SPIDR: variants seen among roughly 807,000 people sequenced by gnomAD.
SPIDR encodes DNA repair-scaffolding protein.
In SPIDR, 93 loss-of-function variants were observed where a neutral mutation model predicts 104.6. The ratio of observed to expected loss-of-function variants is 0.89; its 90% CI spans 0.75 to 1.06. The LOEUF is 1.06. SPIDR is among the 50% of genes least tolerant of loss of function. The pLI, the probability that SPIDR is intolerant of heterozygous loss-of-function variation, is 0.00. For synonymous variants in SPIDR, 431 were observed against 416.9 expected (o/e 1.03, Z -0.41); for missense variants, 1,154 against 1,111.2 (o/e 1.04, Z -0.55).
In SPIDR at chr8:47,509,328, T is replaced by C. The variant is rs776686875; in HGVS notation, c.1097+68786T>C. Among the ~76,000 whole-genome samples the C allele has an allele frequency of 1.5e-4, 23 of 152,186 alleles. 1 individual carries two copies. The highest frequency in any genetic ancestry group is 1.4e-3 in the Admixed American group (22 of 15,286). ...GCCGGAATTCCTGTCTGTAGCCTCT[T>C]GGGAGTGTAGTTACGAGGTGGGTAA... On this transcript the variant is annotated intron_variant, in intron 8 of 19. Coordinates refer to ENST00000297423, the MANE Select transcript of SPIDR (RefSeq NM_001080394.4).
At chr8:47,319,959 G>A (rs977013916) in intron 5 of SPIDR, among the ~76,000 whole-genome samples, 11 of 151,724 alleles carry the variant, frequency 7.3e-5, no homozygotes, top group Non-Finnish European at 7.4e-5. Flanking sequence ...TGTGTAGAGG[G>A]AAATTTATAG....
At chr8:47,647,646 GA>G (rs1563415930) in intron 10 of SPIDR, among the ~76,000 whole-genome samples, 8 of 148,566 alleles carry the variant, frequency 5.4e-5, no homozygotes, top group African/African-American at 1.8e-4. Flanking sequence ...GAGAGAGAGA[GA>G]GAGAGAGGGA....
chr8:47,470,063 A>G (rs2075453631), intron 8 of SPIDR, among the ~76,000 whole-genome samples: 1 of 152,202 alleles, frequency 6.6e-6, no homozygotes, highest in African/African-American at 2.4e-5. Flanking sequence ...TCGAATATTC[A>G]TATGGACTAT....
At position 47,728,136 on chromosome 8, in the gene SPIDR, A is replaced by G. The variant is rs866697679; in HGVS notation, c.2436-797A>G. ...GTCTCAAAAAGAAAAAGAGAAAAAA[A>G]AAAGCAAAGATCGGCCAGGTGCAGT... On this transcript the variant is annotated intron_variant, in intron 17 of 19. Transcript: ENST00000297423. Among the ~76,000 whole-genome samples the G allele has an allele frequency of 6.0e-5, 9 of 150,960 alleles. No homozygotes were observed. In the South Asian group the frequency reaches 1.9e-3, roughly 32 times the overall value.
intron 7 of SPIDR, among the ~76,000 whole-genome samples, chr8:47,421,508 C>G (rs574030623): frequency 1.3e-5 from 2 of 152,106 alleles, no homozygotes; most frequent in African/African-American, 2.4e-5. Context: ...GTTAGCCATT[C>G]GTCTAATCTT....
intron 14 of SPIDR, among the ~76,000 whole-genome samples, chr8:47,712,421 T>C (rs2082011400): frequency 6.6e-6 from 1 of 152,166 alleles, no homozygotes; most frequent in Non-Finnish European, 1.5e-5. Context: ...AGTGGACAAA[T>C]GGAATGCTGC....
intron 11 of SPIDR, among the ~76,000 whole-genome samples, chr8:47,679,271 T>A (rs900580550): frequency 6.6e-6 from 1 of 152,198 alleles, no homozygotes; most frequent in African/African-American, 2.4e-5. Flanking sequence ...ATGAATAATA[T>A]GAGAACATCA....
chr8:47,609,891 G>A (rs2063404430), intron 10 of SPIDR, among the ~76,000 whole-genome samples: 1 of 152,122 alleles, frequency 6.6e-6, no homozygotes, highest in African/African-American at 2.4e-5. Flanking sequence ...ACCAGTGATA[G>A]ACTTAAAGGG....
chr8:47,421,549 GTT>G (rs1554680686), intron 7 of SPIDR, among the ~76,000 whole-genome samples: 2 of 152,120 alleles, frequency 1.3e-5, no homozygotes, highest in African/African-American at 4.8e-5. Flanking sequence ...TTTGCCATGG[GTT>G]TGAACTTCCT....
At chr8:47,600,566 T>C (rs1422894973) in intron 10 of SPIDR, among the ~76,000 whole-genome samples, 4 of 152,246 alleles carry the variant, frequency 2.6e-5, no homozygotes, top group African/African-American at 7.2e-5. Flanking sequence ...TTTTGGAATA[T>C]GTATGTTTGT....
chr8:47,352,074 C>G (rs897386298), intron 5 of SPIDR, among the ~76,000 whole-genome samples: 2 of 151,934 alleles, frequency 1.3e-5, no homozygotes, highest in Non-Finnish European at 1.5e-5. Flanking sequence ...GTCAAGAGAT[C>G]GAGACTATCC....
chr8:47,339,853 G>C (rs2050405493), intron 5 of SPIDR, among the ~76,000 whole-genome samples: 1 of 151,626 alleles, frequency 6.6e-6, no homozygotes, highest in African/African-American at 2.4e-5. Context: ...CTAATTTTTT[G>C]TATTTTTAGT....
chr8:47,554,672 G>A (rs1306993634), intron 8 of SPIDR, among the ~76,000 whole-genome samples: 1 of 152,188 alleles, frequency 6.6e-6, no homozygotes, highest in Non-Finnish European at 1.5e-5. Flanking sequence ...TCCTAGGAAA[G>A]GGAATTCCCC....
intron 5 of SPIDR, among the ~76,000 whole-genome samples, chr8:47,301,041 G>C (rs2041993446): frequency 6.6e-6 from 1 of 152,160 alleles, no homozygotes; most frequent in East Asian, 1.9e-4. Flanking sequence ...AATGTTGATA[G>C]TGGGGTGTTA....
chr8:47,405,043 G>A (rs782509339), intron 6 of SPIDR, among the ~76,000 whole-genome samples: 1 of 152,154 alleles, frequency 6.6e-6, no homozygotes, highest in Non-Finnish European at 1.5e-5. Context: ...ATGAGTTCAT[G>A]TCCTTTGTTA....
chr8:47,718,835 G>A (rs1407110752), intron 16 of SPIDR, among the ~76,000 whole-genome samples: 1 of 152,048 alleles, frequency 6.6e-6, no homozygotes, highest in Non-Finnish European at 1.5e-5. Flanking sequence ...TAAATAGGTA[G>A]ACGTGTGCCA....
intron 7 of SPIDR, chr8:47,419,369 T>G (rs1156649635): frequency 2.0e-5 from 3 of 152,222 alleles, no homozygotes; most frequent in African/African-American, 7.2e-5. Flanking sequence ...GTCCAGGAAT[T>G]TATCCATTTC....
At chr8:47,595,316 A>G (rs2061522192) in intron 8 of SPIDR, among the ~76,000 whole-genome samples, 1 of 152,160 alleles carries the variant, frequency 6.6e-6, no homozygotes, top group African/African-American at 2.4e-5. Context: ...TGTCTGCTCT[A>G]TTTCCTGACT....
chr8:47,428,043 C>T (rs1563946154), intron 7 of SPIDR, among the ~76,000 whole-genome samples: 1 of 152,234 alleles, frequency 6.6e-6, no homozygotes, highest in African/African-American at 2.4e-5. Flanking sequence ...CCGTCTCAGC[C>T]TCCTGAGTAG....
Sources: gnomAD v4.1 joint callset for allele counts (sites outside exome capture counted in the v4.1 genomes callset) on GRCh38, gnomAD v4.1.1 for gene constraint, MANE v1.5 for transcripts, NCBI Gene and HGNC (gene_info 2026-07-23, HGNC 2026-07-21) for gene names.